The following DCC variants were observed in gnomAD, a reference collection of about 807,000 sequenced individuals.
The protein encoded by DCC is DCC netrin 1 receptor, also known as netrin receptor DCC.
In DCC, 58 loss-of-function variants were observed where a neutral mutation model predicts 172.5. That is an observed-to-expected ratio of 0.34 (90% CI 0.27 to 0.42). The LOEUF (loss-of-function observed/expected upper bound fraction) is 0.42, where lower values mean the gene tolerates loss of function less well. Among genes scored for constraint, DCC ranks in the 10% least tolerant of loss-of-function variants. DCC has a pLI of 1.00. For missense variants in DCC, 1,740 were observed against 1,791.0 expected (o/e 0.97, Z 0.51); for synonymous variants, 709 against 644.5 (o/e 1.10, Z -1.52).
At position 52,717,988 on chromosome 18, in the gene DCC, G is replaced by A. The variant is rs570544386; in HGVS notation, c.92-34066G>A. On this transcript the variant is annotated intron_variant, in intron 1 of 28. Coordinates refer to ENST00000442544, the MANE Select transcript of DCC (RefSeq NM_005215.4). ...CCAAACGCCTGAAACCAAAACCTCA[G>A]CACAGTTAATCTAATGAGTGACAGC... is the stretch of plus-strand genomic sequence containing the variant. Among the ~76,000 whole-genome samples, 6 of 152,232 alleles carry A rather than the reference G, an allele frequency of 3.9e-5. 1 individual carries two copies. Among genetic ancestry groups the A allele is most frequent in the African/African-American group, 1.4e-4 (6 of 41,548 alleles).
intron 1 of DCC, among the ~76,000 whole-genome samples, chr18:52,371,634 C>G (rs1985126984): frequency 1.3e-5 from 2 of 152,194 alleles, no homozygotes; most frequent in Admixed American, 1.3e-4. Context: ...TCCTTCCCCT[C>G]CCGCCTGCTT....
chr18:52,635,035 C>G (rs1416173274), intron 1 of DCC, among the ~76,000 whole-genome samples: 3 of 152,018 alleles, frequency 2.0e-5, no homozygotes, highest in Non-Finnish European at 4.4e-5. Flanking sequence ...TTTTCTCTAC[C>G]CTACTGGAGA....
At position 52,658,554 on chromosome 18, in the gene DCC, A is replaced by G. The variant is rs561887561; in HGVS notation, c.92-93500A>G. Among the ~76,000 whole-genome samples, 19 of 152,230 alleles carry G rather than the reference A, an allele frequency of 1.2e-4. No homozygotes were observed. The East Asian group carries it at 3.7e-3, about 29-fold the overall frequency. On this transcript the variant is annotated intron_variant, in intron 1 of 28. Coordinates refer to ENST00000442544, the MANE Select transcript of DCC (RefSeq NM_005215.4). ...CAAAACTTGGCAATAATCTTTTACT[A>G]TTCTTCTAGTTCTACACTATTCCAA...
At chr18:53,173,182 G>A (rs1033716803) in intron 8 of DCC, among the ~76,000 whole-genome samples, 1 of 152,100 alleles carries the variant, frequency 6.6e-6, no homozygotes, top group South Asian at 2.1e-4. Context: ...AGTGTGGTAT[G>A]TGGCAAATGG....
intron 2 of DCC, among the ~76,000 whole-genome samples, chr18:52,891,946 A>T (rs990703953): frequency 6.6e-6 from 1 of 152,100 alleles, no homozygotes; most frequent in African/African-American, 2.4e-5. Context: ...AGATATGTAA[A>T]TCTGATCACG....
intron 12 of DCC, among the ~76,000 whole-genome samples, chr18:53,279,308 T>C (rs2056840796): frequency 6.6e-6 from 1 of 151,902 alleles, no homozygotes; most frequent in Admixed American, 6.6e-5. Context: ...CATGGAATAC[T>C]ATGCAGCCAT....
At chr18:53,180,704 C>A (rs966643579) in intron 9 of DCC, among the ~76,000 whole-genome samples, 8 of 152,146 alleles carry the variant, frequency 5.3e-5, no homozygotes, top group Non-Finnish European at 1.0e-4. Flanking sequence ...CACTCTCTTG[C>A]CCAGACTGGA....
At chr18:53,237,224 T>C (rs2056218898) in intron 12 of DCC, 1 of 154,114 alleles carries the variant, frequency 6.5e-6, no homozygotes, top group Non-Finnish European at 1.5e-5. Context: ...AGTTAAACAA[T>C]GCAAAGCCTA....
chr18:53,119,165 AC>A (rs2043447976), intron 7 of DCC, among the ~76,000 whole-genome samples: 1 of 151,802 alleles, frequency 6.6e-6, no homozygotes, highest in African/African-American at 2.4e-5. Flanking sequence ...ATGCATGTCC[AC>A]CCAGTATTAC....
intron 5 of DCC, among the ~76,000 whole-genome samples, chr18:52,939,857 A>G (rs561617572): frequency 7.9e-5 from 12 of 152,276 alleles, no homozygotes; most frequent in African/African-American, 2.6e-4. Flanking sequence ...GATAACCCAA[A>G]TGAGCTGGTC....
At chr18:52,344,400 A>T (rs970171268) in intron 1 of DCC, among the ~76,000 whole-genome samples, 1 of 152,178 alleles carries the variant, frequency 6.6e-6, no homozygotes, top group African/African-American at 2.4e-5. Flanking sequence ...AAGTTGTGAT[A>T]CTGCATCTTC....
At position 52,994,107 on chromosome 18, in the gene DCC, G is replaced by T. The variant is rs561718035; in HGVS notation, c.985+68737G>T. Among the ~76,000 whole-genome samples, 3 of 152,160 alleles carry T rather than the reference G, an allele frequency of 2.0e-5. No homozygotes were observed. The South Asian group carries it at 6.2e-4, about 32-fold the overall frequency. On this transcript the variant is annotated intron_variant, in intron 5 of 28. Coordinates refer to ENST00000442544, the MANE Select transcript of DCC (RefSeq NM_005215.4). ...ACTATGTCTCAGGAATAGTCCTATT[G>T]CTTAACTCTCTTACAAAATGCTAAA...
chr18:52,446,858 C>T (rs1168879793), intron 1 of DCC, among the ~76,000 whole-genome samples: 1 of 152,180 alleles, frequency 6.6e-6, no homozygotes, highest in Non-Finnish European at 1.5e-5. Flanking sequence ...AACCTTGTCT[C>T]CAGTTTTAAA....
chr18:53,488,018 A>G (rs2045921121), intron 26 of DCC, among the ~76,000 whole-genome samples: 1 of 152,262 alleles, frequency 6.6e-6, no homozygotes, highest in Admixed American at 6.5e-5. Context: ...TCTGCAACAA[A>G]AAAAAAGACA....
intron 5 of DCC, among the ~76,000 whole-genome samples, chr18:52,996,010 C>T (rs537544361): frequency 6.6e-6 from 1 of 151,860 alleles, no homozygotes; most frequent in East Asian, 1.9e-4. Context: ...TAGTGTCCAG[C>T]TTTGTTTACC....
At chr18:53,249,933 G>C (rs1340406120) in intron 12 of DCC, among the ~76,000 whole-genome samples, 1 of 151,934 alleles carries the variant, frequency 6.6e-6, no homozygotes, top group Admixed American at 6.6e-5. Flanking sequence ...ATAAAATCAA[G>C]TTGGATTTTT....
At chr18:53,061,307 C>T (rs2042491588) in intron 5 of DCC, among the ~76,000 whole-genome samples, 1 of 151,970 alleles carries the variant, frequency 6.6e-6, no homozygotes, top group Non-Finnish European at 1.5e-5. Context: ...CTCTATATTC[C>T]TAATCCTTTC....
At chr18:53,045,822 G>A (rs148420600) in intron 5 of DCC, among the ~76,000 whole-genome samples, 204 of 151,834 alleles carry the variant, frequency 1.3e-3, no homozygotes, top group Admixed American at 2.3e-3. Flanking sequence ...GTTTTATTCC[G>A]AATTACCACT....
At chr18:53,268,588 C>A (rs572579342) in intron 12 of DCC, among the ~76,000 whole-genome samples, 2 of 151,928 alleles carry the variant, frequency 1.3e-5, no homozygotes, top group Non-Finnish European at 2.9e-5. Context: ...ATTCTCATTC[C>A]CCTTTATTCC....
Sources: allele counts gnomAD v4.1 joint callset (sites outside exome capture counted in the v4.1 genomes callset), GRCh38; gene constraint gnomAD v4.1.1; transcripts MANE v1.5; gene names NCBI Gene and HGNC (gene_info 2026-07-23, HGNC 2026-07-21).